The following ADGRL2 variants were observed in gnomAD, a reference collection of about 807,000 sequenced individuals.
ADGRL2 encodes the protein adhesion G protein-coupled receptor L2, also known as calcium-independent alpha-latrotoxin receptor 2.
ADGRL2 carries 44 observed loss-of-function variants against 157.4 expected under a neutral mutation model. The observed-to-expected ratio is 0.28, with a 90% CI of 0.22 to 0.36. The LOEUF (loss-of-function observed/expected upper bound fraction) is 0.36, where lower values mean the gene tolerates loss of function less well. Among genes scored for constraint, ADGRL2 ranks in the 10% least tolerant of loss-of-function variants. The pLI is 1.00. For synonymous variants in ADGRL2, 585 were observed against 624.7 expected (o/e 0.94, Z 0.95); for missense variants, 1,510 against 1,768.9 (o/e 0.85, Z 2.63).
chr1:81,836,867 G>A lies in ADGRL2; in HGVS notation c.-100-18G>A, dbSNP rs2150195267. 1 of 605,688 alleles carries A rather than the reference G, an allele frequency of 1.7e-6. No individual in the cohort carries two copies. The highest frequency in any genetic ancestry group is 3.1e-5 in the East Asian group (1 of 31,796). The allele number at this position is 605,688 out of a possible 1,614,324, so 37.5% of individuals were successfully genotyped here. A position where few individuals can be genotyped will look rare whatever the true frequency, so the allele number is the denominator to read the frequency against. On this transcript the variant is annotated intron_variant, in intron 1 of 23. Coordinates refer to ENST00000686636, the MANE Select transcript of ADGRL2 (RefSeq NM_001366006.2). ...TAGAAAGACCATAGAGTAAGTGATGGATTTGTTTGTTTTTCAGATATGAAG... is the reference window on the plus strand; with the variant it reads ...TAGAAAGACCATAGAGTAAGTGATGAATTTGTTTGTTTTTCAGATATGAAG...
chr1:81,854,006 T>G (rs1298879830), intron 2 of ADGRL2, among the ~76,000 whole-genome samples: 1 of 152,178 alleles, frequency 6.6e-6, no homozygotes, highest in African/African-American at 2.4e-5. Flanking sequence ...TTTTTTGTCA[T>G]AAATATATTT....
At chr1:81,810,196 G>A (rs1343795054) in intron 1 of ADGRL2, among the ~76,000 whole-genome samples, 2 of 151,878 alleles carry the variant, frequency 1.3e-5, no homozygotes, top group Non-Finnish European at 2.9e-5. Context: ...AACATTGTAA[G>A]TACTATGACA....
chr1:81,460,819 T>C (rs902447675), intron 2 of ADGRL2, among the ~76,000 whole-genome samples: 2 of 152,214 alleles, frequency 1.3e-5, no homozygotes, highest in African/African-American at 2.4e-5. Flanking sequence ...ACACAGACTA[T>C]AGGAAACATT....
At chr1:81,385,472 A>G (rs2101077541) in intron 1 of ADGRL2, among the ~76,000 whole-genome samples, 1 of 152,252 alleles carries the variant, frequency 6.6e-6, no homozygotes, top group East Asian at 1.9e-4. Flanking sequence ...AAATGAAATC[A>G]AAGGAGAAAG....
At chr1:81,963,773 T>C (rs1285265903) in intron 11 of ADGRL2, among the ~76,000 whole-genome samples, 3 of 151,440 alleles carry the variant, frequency 2.0e-5, no homozygotes, top group Non-Finnish European at 4.4e-5. Context: ...GTATATTTTA[T>C]TAAAGATTTT....
intron 2 of ADGRL2, among the ~76,000 whole-genome samples, chr1:81,452,678 A>G (rs926076571): frequency 2.0e-5 from 3 of 152,176 alleles, no homozygotes; most frequent in African/African-American, 7.2e-5. Context: ...TGCACCTTAT[A>G]TATTTTTCAC....
upstream of ADGRL2, among the ~76,000 whole-genome samples, chr1:81,696,052 G>C (rs2083436962): frequency 6.6e-6 from 1 of 152,110 alleles, no homozygotes; most frequent in African/African-American, 2.4e-5. Flanking sequence ...GAAGGACCTA[G>C]ACTTTCTCAA....
chr1:81,638,790 G>C (rs932980669), intron 3 of ADGRL2, among the ~76,000 whole-genome samples: 1 of 152,076 alleles, frequency 6.6e-6, no homozygotes, highest in Non-Finnish European at 1.5e-5. Flanking sequence ...ACAGAACAAG[G>C]GCAGCAAGTA....
At chr1:81,936,231 G>A (rs1572223435) in intron 3 of ADGRL2, among the ~76,000 whole-genome samples, 2 of 151,998 alleles carry the variant, frequency 1.3e-5, no homozygotes, top group Non-Finnish European at 2.9e-5. Context: ...TGGATTTAGA[G>A]GATAAAATTA....
intron 3 of ADGRL2, among the ~76,000 whole-genome samples, chr1:81,645,816 A>G (rs2082304846): frequency 1.3e-5 from 2 of 152,066 alleles, no homozygotes; most frequent in Admixed American, 1.3e-4. Flanking sequence ...ATACTGATGC[A>G]TTGCACATCT....
intron 2 of ADGRL2, among the ~76,000 whole-genome samples, chr1:81,494,170 C>T (rs1413873651): frequency 1.3e-5 from 2 of 152,132 alleles, no homozygotes; most frequent in Non-Finnish European, 2.9e-5. Context: ...AGCTCTGTCT[C>T]AGTAGGGGTG....
chr1:81,500,041 C>G (rs1009463949), intron 2 of ADGRL2, among the ~76,000 whole-genome samples: 1 of 152,112 alleles, frequency 6.6e-6, no homozygotes, highest in Non-Finnish European at 1.5e-5. Flanking sequence ...GTGTCAGTCA[C>G]TTAGGAATCA....
intron 3 of ADGRL2, among the ~76,000 whole-genome samples, chr1:81,614,418 A>G (rs1383279745): frequency 6.6e-6 from 1 of 152,154 alleles, no homozygotes; most frequent in African/African-American, 2.4e-5. Flanking sequence ...GTAACTGGGG[A>G]CTGTGTATAT....
chr1:81,407,711 C>T (rs572844052), intron 1 of ADGRL2, among the ~76,000 whole-genome samples: 1 of 152,160 alleles, frequency 6.6e-6, no homozygotes, highest in Non-Finnish European at 1.5e-5. Context: ...ACCATTAAAG[C>T]CAAGAAACAT....
chr1:81,657,636 T>C (rs894049214), intron 3 of ADGRL2, among the ~76,000 whole-genome samples: 4 of 152,122 alleles, frequency 2.6e-5, no homozygotes, highest in Admixed American at 6.5e-5. Flanking sequence ...GGTGTGTGTG[T>C]GCATGTATGT....
intron 3 of ADGRL2, among the ~76,000 whole-genome samples, chr1:81,616,274 A>G (rs1018768056): frequency 6.6e-6 from 1 of 152,208 alleles, no homozygotes; most frequent in African/African-American, 2.4e-5. Flanking sequence ...GGAACAAGGC[A>G]CAATCCCTAC....
intron 2 of ADGRL2, among the ~76,000 whole-genome samples, chr1:81,525,215 T>A (rs977396585): frequency 6.6e-6 from 1 of 152,174 alleles, no homozygotes; most frequent in Non-Finnish European, 1.5e-5. Context: ...GGCTCACCTC[T>A]CTTCAAACCA....
At chr1:81,664,570 C>A (rs2148892759) in intron 3 of ADGRL2, among the ~76,000 whole-genome samples, 1 of 152,148 alleles carries the variant, frequency 6.6e-6, no homozygotes, top group African/African-American at 2.4e-5. Flanking sequence ...CAAGAGTTTC[C>A]CTCCCAGGCA....
intron 1 of ADGRL2, among the ~76,000 whole-genome samples, chr1:81,708,329 T>C (rs559968984): frequency 8.5e-5 from 13 of 152,196 alleles, no homozygotes. Flanking sequence ...TTTACCAAAT[T>C]TAAGCATTTG....
Sources: allele counts gnomAD v4.1 joint callset (sites outside exome capture counted in the v4.1 genomes callset), GRCh38; gene constraint gnomAD v4.1.1; transcripts MANE v1.5; gene names NCBI Gene and HGNC (gene_info 2026-07-23, HGNC 2026-07-21).